The following ADAMTS17 variants were observed in gnomAD, a reference collection of about 807,000 sequenced individuals.
The protein encoded by ADAMTS17 is A disintegrin and metalloproteinase with thrombospondin motifs 17.
Under a neutral mutation model 141.5 loss-of-function variants are expected in ADAMTS17, and 113 were observed. The ratio of observed to expected loss-of-function variants is 0.80; its 90% confidence interval spans 0.69 to 0.93. The LOEUF is 0.93. Ranked by LOEUF, ADAMTS17 falls within the 40% of genes least tolerant of loss-of-function variation. The pLI is 0.00. For synonymous variants in ADAMTS17, 768 were observed against 630.6 expected, an observed-to-expected ratio of 1.22 and a Z score of -3.27; for missense variants, 1,659 against 1,517.9, an observed-to-expected ratio of 1.09 and a Z score of -1.54.
At chr15:100,162,791 T>TATACACAGTATATATGCACAC (rs1463877943) in intron 8 of ADAMTS17, among the ~76,000 whole-genome samples, 2 of 146,054 alleles carry the variant, frequency 1.4e-5, no homozygotes, top group African/African-American at 5.0e-5. Context: ...CATATGCACA[T>TATACACAGTATATATGCACAC]ATACACAGTA....
At chr15:100,330,202 T>TGG (rs2046008522) in intron 3 of ADAMTS17, among the ~76,000 whole-genome samples, 1 of 152,100 alleles carries the variant, frequency 6.6e-6, no homozygotes, top group Non-Finnish European at 1.5e-5. Context: ...CATCTTAAAA[T>TGG]CACTTTTAAA....
chr15:100,076,045 C>CT (rs59617672), intron 15 of ADAMTS17, among the ~76,000 whole-genome samples: 56 of 151,314 alleles, frequency 3.7e-4, no homozygotes, highest in African/African-American at 9.9e-4. Context: ...TATTTTCTTT[C>CT]TTTTTTTTTG....
At chr15:100,215,955 C>A (rs1395076763) in intron 7 of ADAMTS17, among the ~76,000 whole-genome samples, 1 of 152,204 alleles carries the variant, frequency 6.6e-6, no homozygotes, top group African/African-American at 2.4e-5. Flanking sequence ...CTGTTCCTAA[C>A]ATATCCTCAG....
intron 3 of ADAMTS17, among the ~76,000 whole-genome samples, chr15:100,292,078 G>A (rs190512174): frequency 6.0e-5 from 8 of 133,904 alleles, no homozygotes; most frequent in East Asian, 2.2e-4. Flanking sequence ...CGCTCAGCCC[G>A]TGGGGAGTCA....
chr15:100,336,205 C>A (rs561981917), intron 2 of ADAMTS17, among the ~76,000 whole-genome samples: 2 of 152,236 alleles, frequency 1.3e-5, no homozygotes, highest in Non-Finnish European at 2.9e-5. Context: ...CAGGAGCAGT[C>A]AGTGCCTGGC....
At chr15:100,267,420 G>A (rs2043754788) in intron 4 of ADAMTS17, among the ~76,000 whole-genome samples, 1 of 152,180 alleles carries the variant, frequency 6.6e-6, no homozygotes. Flanking sequence ...CGGCCATTGT[G>A]AGTAATGCTG....
At chr15:100,333,127 T>C (rs2046104825) in intron 2 of ADAMTS17, among the ~76,000 whole-genome samples, 1 of 152,030 alleles carries the variant, frequency 6.6e-6, no homozygotes. Context: ...TGACCTCTCT[T>C]CCCTAAATAA....
At chr15:100,331,123 G>A (rs2046041044) in intron 2 of ADAMTS17, 69 bp from the exon 3 acceptor site, 1 of 1,595,160 alleles carries the variant, frequency 6.3e-7, no homozygotes, top group African/African-American at 1.3e-5. Context: ...GCCCCCCGGA[G>A]GGGCAGGCAA....
chr15:100,240,274 G>A (rs2042790561), intron 7 of ADAMTS17, among the ~76,000 whole-genome samples: 1 of 152,190 alleles, frequency 6.6e-6, no homozygotes, highest in South Asian at 2.1e-4. Context: ...AGTGACTCCT[G>A]TTCTCAAGGA....
In ADAMTS17 at chr15:100,201,773, G is replaced by A. The variant is rs76786635; in HGVS notation, c.1076-2350C>T. 5.2e-4 allele frequency among the ~76,000 whole-genome samples: 79 copies of A among 152,164 alleles called. No individual in the cohort carries two copies. In the East Asian group the frequency reaches 0.01, roughly 20 times the overall value. ...TGCAGACTATTAAAAAAAACAACAC[G>A]ACAACCAGAAAGGATGTGATGTGGT... is the stretch of plus-strand genomic sequence containing the variant. On this transcript the variant is annotated intron_variant, in intron 7 of 21. Coordinates refer to ENST00000268070, the MANE Select transcript of ADAMTS17 (RefSeq NM_139057.4).
rs979366633 is a variant in ADAMTS17 at position 99,972,353 on chromosome 15, T to C, written c.*2049A>G. 1 of 152,152 alleles carries C rather than the reference T, an allele frequency of 6.6e-6. No homozygotes were observed. The highest frequency in any genetic ancestry group is 1.5e-5 in the Non-Finnish European group (1 of 68,012). The allele number at this position is 152,152 out of a possible 1,614,324, so 9.4% of individuals were successfully genotyped here. On this transcript the variant is annotated 3_prime_UTR_variant, in exon 22 of 22. Coordinates refer to ENST00000268070, the MANE Select transcript of ADAMTS17 (RefSeq NM_139057.4). Reference sequence around the variant, plus strand: ...TCTGACAATAACCCAATCAATCCTTTTCATTCTGAGGGTGTGGGGCCCTTG... The same window carrying C: ...TCTGACAATAACCCAATCAATCCTTCTCATTCTGAGGGTGTGGGGCCCTTG...
chr15:100,209,247 G>T (rs894374610), intron 7 of ADAMTS17, among the ~76,000 whole-genome samples: 5 of 151,640 alleles, frequency 3.3e-5, no homozygotes, highest in African/African-American at 1.2e-4. Context: ...GTGAAACCTC[G>T]GGACAAGGGT....
chr15:100,055,001 A>AG (rs1194890296), intron 15 of ADAMTS17, among the ~76,000 whole-genome samples: 1 of 152,116 alleles, frequency 6.6e-6, no homozygotes, highest in Non-Finnish European at 1.5e-5. Context: ...GCTGTTATTT[A>AG]GGGAAAAAAA....
intron 19 of ADAMTS17, among the ~76,000 whole-genome samples, chr15:99,994,757 G>C (rs1399206314): frequency 6.6e-6 from 1 of 152,140 alleles, no homozygotes; most frequent in Non-Finnish European, 1.5e-5. Context: ...AGTAGAGACA[G>C]GGTTTCACCA....
Position 100,049,038 on chromosome 15 carries a change from C to T in ADAMTS17, c.2456-46G>A, listed in dbSNP as rs551313459. 127 of 1,613,870 alleles carry T rather than the reference C, an allele frequency of 7.9e-5. 1 individual carries two copies. In the South Asian group the frequency reaches 8.9e-4, roughly 11 times the overall value. ...AGCTGAGAGACTGTGGCTGCACCCA[C>T]GTGGAAAGGCTGGGCTTGCATGCCC... On this transcript the variant is annotated intron_variant, in intron 17 of 21. Coordinates refer to ENST00000268070, the MANE Select transcript of ADAMTS17 (RefSeq NM_139057.4).
chr15:100,267,941 G>A (rs1045403509), intron 4 of ADAMTS17, among the ~76,000 whole-genome samples: 5 of 152,114 alleles, frequency 3.3e-5, no homozygotes, highest in Non-Finnish European at 7.4e-5. Context: ...ACCCTGTTGT[G>A]CTATCAAATA....
intron 12 of ADAMTS17, among the ~76,000 whole-genome samples, chr15:100,122,757 TTAAGTG>T (rs1401901036): frequency 2.0e-5 from 3 of 152,150 alleles, no homozygotes; most frequent in Non-Finnish European, 2.9e-5. Context: ...TTCCTACTCA[TTAAGTG>T]GAAGTGGATC....
chr15:100,214,207 G>A (rs1531690), intron 7 of ADAMTS17, among the ~76,000 whole-genome samples: 14,995 of 152,140 alleles, frequency 0.099, 1,036 homozygotes, highest in East Asian at 0.27. Flanking sequence ...ATGTCGACAG[G>A]GAAGATAGGA....
At chr15:100,295,413 T>C in intron 3 of ADAMTS17, among the ~76,000 whole-genome samples, 1 of 151,902 alleles carries the variant, frequency 6.6e-6, no homozygotes, top group East Asian at 1.9e-4. Context: ...GGAGATGGGG[T>C]TCCTTGTGTT....
Sources: gnomAD v4.1 joint callset for allele counts (sites outside exome capture counted in the v4.1 genomes callset) on GRCh38, gnomAD v4.1.1 for gene constraint, MANE v1.5 for transcripts, NCBI Gene and HGNC (gene_info 2026-07-23, HGNC 2026-07-21) for gene names.